The following NHSL1 variants were observed in gnomAD, a reference collection of about 807,000 sequenced individuals.
NHSL1 encodes the protein NHS like 1.
A neutral mutation model predicts 95.0 loss-of-function variants in NHSL1; 48 were observed. The ratio of observed to expected loss-of-function variants is 0.51; its 90% CI spans 0.40 to 0.64. The LOEUF (loss-of-function observed/expected upper bound fraction) is 0.64. Among genes scored for constraint, NHSL1 ranks in the 30% least tolerant of loss-of-function variants. The probability of loss-of-function intolerance (pLI) is 0.00; values close to 1 mark genes in which losing one functional copy is unlikely to be tolerated. For synonymous variants in NHSL1, 783 were observed against 833.9 expected (o/e 0.94, Z 1.05); for missense variants, 1,971 against 2,077.7 (o/e 0.95, Z 1.00).
chr6:138,540,798 C>T (rs1351707755), intron 1 of NHSL1, among the ~76,000 whole-genome samples: 3 of 152,132 alleles, frequency 2.0e-5, no homozygotes, highest in East Asian at 1.9e-4. Flanking sequence ...CCCTATCGTT[C>T]GGGGCATGCA....
At chr6:138,687,479 C>T (rs1412041189) in intron 1 of NHSL1, among the ~76,000 whole-genome samples, 1 of 152,128 alleles carries the variant, frequency 6.6e-6, no homozygotes, top group Non-Finnish European at 1.5e-5. Context: ...GAACTATGAG[C>T]CTACTGTGTC....
rs1278521705 is a variant in NHSL1, at chr6:138,431,564, G to A, written c.2781C>T (p.Pro927=). ...MKKLDPAVGS[P]PAPPPPPVPS... is the part of the protein sequence containing the mutation. ...GAACAGGAGGAGGAGGAGGAGCCGG[G>A]GGAGAGCCCACGGCTGGATCCAGCT... is the stretch of plus-strand genomic sequence containing the variant. The change falls in exon 6 of 8, where the codon CCC becomes CCT. Residue 927 remains proline (P), a synonymous_variant. Coordinates refer to ENST00000343505, the MANE Select transcript of NHSL1 (RefSeq NM_001144060.2). This position sits in a 1 kb window ranked among gnomAD's most constrained non-coding sequence, Gnocchi z 4.0. The A allele has an allele frequency of 2.6e-6, 4 of 1,551,406 alleles. No individual in the cohort carries two copies. Among genetic ancestry groups the A allele is most frequent in the Non-Finnish European group, 3.5e-6 (4 of 1,146,830 alleles).
chr6:138,442,211 G>A (rs1776576728), intron 4 of NHSL1, 97 bp from the exon 5 acceptor site: 3 of 1,246,822 alleles, frequency 2.4e-6, no homozygotes, highest in East Asian at 2.7e-5. Context: ...ATGATAAGAA[G>A]GTATTAATAA....
chr6:138,489,600 A>G (rs1779909066), intron 2 of NHSL1, among the ~76,000 whole-genome samples: 1 of 151,538 alleles, frequency 6.6e-6, no homozygotes, highest in Non-Finnish European at 1.5e-5. Context: ...CCCTATCTCT[A>G]CAAATACAAA....
At chr6:138,516,914 C>T (rs536411986) in intron 1 of NHSL1, among the ~76,000 whole-genome samples, 3 of 152,254 alleles carry the variant, frequency 2.0e-5, no homozygotes, top group Non-Finnish European at 4.4e-5. Flanking sequence ...GGATTACAGG[C>T]GCGAGCCACT....
chr6:138,449,619 G>A (rs1777101196), intron 3 of NHSL1, among the ~76,000 whole-genome samples: 1 of 152,052 alleles, frequency 6.6e-6, no homozygotes, highest in Non-Finnish European at 1.5e-5. Flanking sequence ...TGAGGCTGCG[G>A]TGAGCTGAGG....
intron 4 of NHSL1, 27 bp from the exon 5 acceptor site, chr6:138,442,141 A>G: frequency 1.3e-6 from 2 of 1,516,460 alleles, no homozygotes; most frequent in Non-Finnish European, 8.8e-7. Flanking sequence ...GAACAAGCAA[A>G]GCAATGTTAT....
At position 138,430,757 on chromosome 6, in the gene NHSL1, G is replaced by A. The variant is rs772961486; in HGVS notation, c.3588C>T (p.Ser1196=). The A allele has an allele frequency of 1.3e-6, 2 of 1,551,720 alleles. No individual in the cohort carries two copies. The highest frequency in any genetic ancestry group is 2.4e-5 in the South Asian group (2 of 84,066). The change falls in exon 6 of 8, where the codon TCC becomes TCT. Residue 1196 remains serine, a synonymous_variant. Transcript: ENST00000343505. The surrounding 1 kb of genome is among the most constrained non-coding windows in gnomAD (Gnocchi z 4.7). ...CCACCAGGAACAGTTTGGGCTTCTT[G>A]GAAATGGGGGGTGGCTTCCTGCTGG... is the stretch of plus-strand genomic sequence containing the variant. ...SSPSRKPPPI[S]KKPKLFLVVP...
intron 1 of NHSL1, among the ~76,000 whole-genome samples, chr6:138,600,005 A>G (rs1395688619): frequency 2.0e-5 from 3 of 152,010 alleles, no homozygotes; most frequent in Non-Finnish European, 4.4e-5. Context: ...CTAGCTGGGC[A>G]TGTTGGCATG....
chr6:138,690,024 C>G (rs1273236146), intron 1 of NHSL1, among the ~76,000 whole-genome samples: 1 of 152,150 alleles, frequency 6.6e-6, no homozygotes, highest in Non-Finnish European at 1.5e-5. Context: ...GCTTCAGGCC[C>G]GGATGTGTCA....
intron 1 of NHSL1, among the ~76,000 whole-genome samples, chr6:138,593,592 T>G (rs1270776371): frequency 2.6e-5 from 4 of 152,230 alleles, no homozygotes; most frequent in African/African-American, 9.6e-5. Flanking sequence ...CAACCTACTG[T>G]AAAACAACAA....
rs578215170 is a variant in NHSL1 at position 138,464,307 on chromosome 6, C to T, written c.339+8999G>A. On this transcript the variant is annotated intron_variant, in intron 3 of 7. Coordinates refer to ENST00000343505, the MANE Select transcript of NHSL1 (RefSeq NM_001144060.2). ...ACCCTGGTGTCGTGGGCGGACTGGG[C>T]CCTCAGCGCCACACTCCTGGAGCTC... The T allele has an allele frequency of 1.5e-5, 10 of 674,338 alleles. No individual in the cohort carries two copies. In the East Asian group the frequency reaches 2.2e-4, roughly 15 times the overall value. The allele number at this position is 674,338 out of a possible 1,614,324, so 41.8% of individuals were successfully genotyped here.
At chr6:138,630,155 C>A (rs976020031) in intron 1 of NHSL1, among the ~76,000 whole-genome samples, 6 of 151,698 alleles carry the variant, frequency 4.0e-5, no homozygotes, top group African/African-American at 1.5e-4. Flanking sequence ...TTAGAGGCTG[C>A]GGTAAGCCAT....
rs1388257305 is a variant in NHSL1 at position 138,509,921 on chromosome 6, T to A, written c.17-13550A>T. The stretch of plus-strand genomic sequence containing the variant: ...AACAGAGCTAAGAAAAAAATTTACA[T>A]CAATTTATAACCAAAAGGTAAAGCC... On this transcript the variant is annotated intron_variant, in intron 1 of 4. Transcript: ENST00000342260. Among the ~76,000 whole-genome samples the A allele has an allele frequency of 2.0e-5, 3 of 152,162 alleles. No individual in the cohort carries two copies. The East Asian group carries it at 5.8e-4, about 29-fold the overall frequency.
In NHSL1 at chr6:138,543,436, G is replaced by C. The variant is rs148498150; in HGVS notation, c.16+2187C>G. On this transcript the variant is annotated intron_variant, in intron 1 of 4. Coordinates refer to the NHSL1 transcript ENST00000342260. ...GGCCAAATTGACAAAAAGCTGAGCA[G>C]ACCTGGCTTCAGAAAAGAAACAGTC... is the stretch of plus-strand genomic sequence containing the variant. Among the ~76,000 whole-genome samples the C allele has an allele frequency of 3.4e-3, 519 of 152,350 alleles. 1 individual carries two copies. The highest frequency in any genetic ancestry group is 8.5e-3 in the Admixed American group (130 of 15,304).
intron 1 of NHSL1, among the ~76,000 whole-genome samples, chr6:138,655,629 T>C (rs763238170): frequency 1.3e-5 from 2 of 152,164 alleles, no homozygotes; most frequent in African/African-American, 2.4e-5. Flanking sequence ...AAAATTACAA[T>C]TGTCCTTTAC....
At chr6:138,604,808 T>G (rs1784412958) in intron 1 of NHSL1, among the ~76,000 whole-genome samples, 1 of 151,948 alleles carries the variant, frequency 6.6e-6, no homozygotes, top group Non-Finnish European at 1.5e-5. Flanking sequence ...GTATTTTTAG[T>G]AGAGACGGGG....
At chr6:138,548,822 G>C (rs1325284918), upstream of NHSL1, among the ~76,000 whole-genome samples, 1 of 152,092 alleles carries the variant, frequency 6.6e-6, no homozygotes, top group Non-Finnish European at 1.5e-5. Context: ...ATTCAGTGTG[G>C]TAAGTCACAT....
intron 2 of NHSL1, among the ~76,000 whole-genome samples, chr6:138,478,880 C>T (rs185141182): frequency 8.3e-4 from 126 of 152,190 alleles, no homozygotes; most frequent in Middle Eastern, 3.4e-3. Flanking sequence ...AGCACAAGGA[C>T]GAGGGACAAA....
Sources: allele counts gnomAD v4.1 joint callset (sites outside exome capture counted in the v4.1 genomes callset), GRCh38; gene constraint gnomAD v4.1.1; non-coding constraint Gnocchi (gnomAD v3.1); transcripts MANE v1.5; gene names NCBI Gene and HGNC (gene_info 2026-07-23, HGNC 2026-07-21).